ADCY9: variants seen among roughly 807,000 people sequenced by gnomAD.
ADCY9 encodes the protein adenylate cyclase 9.
A neutral mutation model predicts 101.5 loss-of-function variants in ADCY9; 50 were observed. That is an observed-to-expected ratio of 0.49 (90% CI 0.39 to 0.62). The LOEUF (loss-of-function observed/expected upper bound fraction) is 0.62. ADCY9 is among the 20% of genes least tolerant of loss of function. The pLI is 0.00. For synonymous variants in ADCY9, 905 were observed against 769.3 expected (o/e 1.18, Z -2.92); for missense variants, 1,662 against 1,800.4 (o/e 0.92, Z 1.39).
At chr16:4,025,707 G>C (rs184254308) in intron 2 of ADCY9, among the ~76,000 whole-genome samples, 2 of 152,334 alleles carry the variant, frequency 1.3e-5, no homozygotes, top group East Asian at 1.9e-4. Flanking sequence ...CTGCAGAGAA[G>C]GCAGAACCCG....
chr16:4,114,949 G>C lies in ADCY9; in HGVS notation c.494C>G (p.Thr165Ser). The change falls in exon 2 of 11, where the codon ACC becomes AGC. Residue 165 changes from threonine to serine, a missense_variant. Physicochemically the swap from Thr to Ser is moderately conservative, Grantham distance 58. Coordinates refer to ENST00000294016, the MANE Select transcript of ADCY9 (RefSeq NM_001116.4). The surrounding 1 kb of genome is among the most constrained non-coding windows in gnomAD (Gnocchi z 4.3). ...CGCGTAATGCCGGGCGTACAGCTTGGTGAAGGTAAACAGAAAGAAGCCCAC... is the reference window on the plus strand; with the variant it reads ...CGCGTAATGCCGGGCGTACAGCTTGCTGAAGGTAAACAGAAAGAAGCCCAC... ...VCVGFFLFTF[T>S]KLYARHYAWT... The C allele has an allele frequency of 6.2e-7, 1 of 1,613,984 alleles. No homozygotes were observed. The highest frequency in any genetic ancestry group is 8.5e-7 in the Non-Finnish European group (1 of 1,180,032).
intron 7 of ADCY9, among the ~76,000 whole-genome samples, chr16:3,980,372 CCTGGGCCATG>C (rs1477589538): frequency 1.3e-5 from 2 of 152,162 alleles, no homozygotes; most frequent in East Asian, 3.8e-4. Context: ...TCCAAGGACC[CCTGGGCCATG>C]GTGGGGCCAC....
chr16:3,975,991 TTTTTTA>T (rs1448520712), intron 9 of ADCY9, among the ~76,000 whole-genome samples: 2 of 152,192 alleles, frequency 1.3e-5, no homozygotes, highest in African/African-American at 2.4e-5. Context: ...TTGAGACTTA[TTTTTTA>T]TTTTTATTTT....
chr16:4,078,575 G>C lies in ADCY9; in HGVS notation c.1693+35175C>G, dbSNP rs78194546. On this transcript the variant is annotated intron_variant, in intron 2 of 10. Transcript: ENST00000294016. ...GTCTCAAAAAAAGAAAAAAAAAAAA[G>C]AAAACAAAAACATAAAAGTATTAGA... 1.2e-3 allele frequency among the ~76,000 whole-genome samples: 79 copies of C among 68,122 alleles called. 1 individual carries two copies. The highest frequency in any genetic ancestry group is 2.9e-3 in the African/African-American group (71 of 24,636). The allele number at this position is 68,122 out of a possible 152,430, so 44.7% of individuals were successfully genotyped here.
chr16:4,068,771 C>A (rs1332353850), intron 2 of ADCY9, among the ~76,000 whole-genome samples: 1 of 149,724 alleles, frequency 6.7e-6, no homozygotes, highest in African/African-American at 2.5e-5. Flanking sequence ...GAGCCAAGAT[C>A]GAGCCACTGC....
At chr16:4,031,140 T>G (rs2141754131) in intron 2 of ADCY9, among the ~76,000 whole-genome samples, 1 of 152,340 alleles carries the variant, frequency 6.6e-6, no homozygotes, top group African/African-American at 2.4e-5. Flanking sequence ...TGTTAGATGC[T>G]GGGGAAATTT....
chr16:4,000,785 T>C (rs1443614288), intron 3 of ADCY9, among the ~76,000 whole-genome samples: 1 of 151,990 alleles, frequency 6.6e-6, no homozygotes, highest in African/African-American at 2.4e-5. Context: ...GAGTCAAGAA[T>C]AGATGAAAAT....
Position 3,964,648 on chromosome 16 carries a change from G to A in ADCY9, c.*1127C>T, listed in dbSNP as rs536841091. Reference sequence around the variant, plus strand: ...GACCCCGGCAGGGAGGAGCCCCCGTGGGTGGCAGGGGCAGCTGGTGGGCTT... The same window carrying A: ...GACCCCGGCAGGGAGGAGCCCCCGTAGGTGGCAGGGGCAGCTGGTGGGCTT... On this transcript the variant is annotated 3_prime_UTR_variant, in exon 11 of 11. Coordinates refer to ENST00000294016, the MANE Select transcript of ADCY9 (RefSeq NM_001116.4). The A allele has an allele frequency of 6.5e-6, 1 of 153,010 alleles. No homozygotes were observed. Among genetic ancestry groups the A allele is most frequent in the Admixed American group, 6.5e-5 (1 of 15,294 alleles). 9.5% of individuals were successfully genotyped at this position (153,010 alleles called of 1,614,324 possible).
chr16:4,080,970 T>C (rs2056898193), intron 2 of ADCY9, among the ~76,000 whole-genome samples: 1 of 152,132 alleles, frequency 6.6e-6, no homozygotes, highest in African/African-American at 2.4e-5. Context: ...AAGGAAAACA[T>C]TTCAAAGTTC....
rs150396410 is a variant in ADCY9 at position 4,014,501 on chromosome 16, G to A, written c.1694-6943C>T. 2.9e-3 allele frequency among the ~76,000 whole-genome samples: 437 copies of A among 151,206 alleles called. 1 individual carries two copies. Among genetic ancestry groups the A allele is most frequent in the African/African-American group, 9.5e-3 (391 of 41,220 alleles). On this transcript the variant is annotated intron_variant, in intron 2 of 10. Transcript: ENST00000294016. ...CTTGCTCTGTTGCCCAGGCTGGAGC[G>A]TAGTGGCGCGATCTCAGCTCACTGC...
intron 10 of ADCY9, among the ~76,000 whole-genome samples, chr16:3,973,372 A>G (rs2056068750): frequency 6.6e-6 from 1 of 151,878 alleles, no homozygotes. Flanking sequence ...CACCCCAGCT[A>G]ATTTTTGTAT....
At chr16:4,033,767 G>A (rs2056572127) in intron 2 of ADCY9, among the ~76,000 whole-genome samples, 2 of 152,196 alleles carry the variant, frequency 1.3e-5, no homozygotes, top group African/African-American at 2.4e-5. Flanking sequence ...AAAATGCCTG[G>A]GTTCAGATCC....
chr16:4,049,855 G>A (rs939956156), intron 2 of ADCY9, among the ~76,000 whole-genome samples: 36 of 152,190 alleles, frequency 2.4e-4, no homozygotes, highest in African/African-American at 7.7e-4. Flanking sequence ...AGGTAAGACC[G>A]ACCCTGTTTC....
intron 2 of ADCY9, among the ~76,000 whole-genome samples, chr16:4,079,633 T>C (rs2056889412): frequency 6.6e-6 from 1 of 152,188 alleles, no homozygotes; most frequent in African/African-American, 2.4e-5. Context: ...AAGGTATTCA[T>C]GATCCATGAA....
In ADCY9 at chr16:3,955,273, C is replaced by T. The variant is rs371556394; in HGVS notation, c.568-1757G>A. ...GGCGAGGTGGCTCACGCCTGTCATC[C>T]CAGCACTTTGGGAGGTGGAGGAGAG... On this transcript the variant is annotated intron_variant, in intron 5 of 5. Coordinates refer to the ADCY9 transcript ENST00000576936. Among the ~76,000 whole-genome samples, 3 of 151,416 alleles carry T rather than the reference C, an allele frequency of 2.0e-5. No homozygotes were observed. The East Asian group carries it at 5.8e-4, about 29-fold the overall frequency.
chr16:4,045,678 C>T (rs114445605), intron 2 of ADCY9, among the ~76,000 whole-genome samples: 3,019 of 149,348 alleles, frequency 0.02, 108 homozygotes, highest in African/African-American at 0.071. Flanking sequence ...AAGATGGTCT[C>T]AGGCAGTAAC....
chr16:4,108,651 C>G lies in ADCY9; in HGVS notation c.1693+5099G>C, dbSNP rs1269976903. 2.0e-5 allele frequency among the ~76,000 whole-genome samples: 3 copies of G among 150,184 alleles called. No homozygotes were observed. The Admixed American group carries it at 2.0e-4, about 10-fold the overall frequency. ...TCTCCCAAAGTGCTGGGATTACAGG[C>G]ATGAGCCACCACGCCCGGCCCATTT... On this transcript the variant is annotated intron_variant, in intron 2 of 10. Transcript: ENST00000294016.
intron 3 of ADCY9, among the ~76,000 whole-genome samples, chr16:3,998,708 CAAAAAAAA>C (rs1165056665): frequency 1.1e-3 from 4 of 3,602 alleles, no homozygotes; most frequent in East Asian, 0.016. Flanking sequence ...AACTCTGTCT[CAAAAAAAA>C]AAAAAAAAAA....
intron 2 of ADCY9, among the ~76,000 whole-genome samples, chr16:4,104,268 C>G (rs749504967): frequency 5.9e-5 from 9 of 152,218 alleles, no homozygotes; most frequent in Non-Finnish European, 1.3e-4. Context: ...TTAGACTTTA[C>G]TGACGTCAAC....
Sources: allele counts gnomAD v4.1 joint callset (sites outside exome capture counted in the v4.1 genomes callset), GRCh38; gene constraint gnomAD v4.1.1; non-coding constraint Gnocchi (gnomAD v3.1); transcripts MANE v1.5; gene names NCBI Gene and HGNC (gene_info 2026-07-23, HGNC 2026-07-21).